The following TAFA5 variants were observed in gnomAD, a reference collection of about 807,000 sequenced individuals.
TAFA5 encodes the protein chemokine-like protein TAFA-5.
TAFA5 carries 6 observed loss-of-function variants against 15.3 expected under a neutral mutation model. That is an observed-to-expected ratio of 0.39 (90% CI 0.21 to 0.77). TAFA5 has a LOEUF of 0.77. Ranked by LOEUF, TAFA5 falls within the 30% of genes least tolerant of loss-of-function variation. TAFA5 has a pLI of 0.41. For missense variants in TAFA5, 161 were observed against 193.1 expected (o/e 0.83, Z 0.98); for synonymous variants, 103 against 80.7 (o/e 1.28, Z -1.48).
At chr22:48,631,557 T>C (rs1000173357) in intron 1 of TAFA5, among the ~76,000 whole-genome samples, 1 of 152,232 alleles carries the variant, frequency 6.6e-6, no homozygotes, top group Non-Finnish European at 1.5e-5. Flanking sequence ...AGGGAGCTCT[T>C]GGACCAGAGC....
chr22:48,639,534 C>T (rs1926597689), intron 1 of TAFA5, among the ~76,000 whole-genome samples: 1 of 152,204 alleles, frequency 6.6e-6, no homozygotes, highest in African/African-American at 2.4e-5. Flanking sequence ...CTCCAGACAC[C>T]CTGAGGGCCT....
chr22:48,612,291 C>T (rs972199148), intron 1 of TAFA5, among the ~76,000 whole-genome samples: 1 of 152,236 alleles, frequency 6.6e-6, no homozygotes, highest in African/African-American at 2.4e-5. Context: ...CAGGGCGGCT[C>T]ACTTGCATGT....
intron 2 of TAFA5, among the ~76,000 whole-genome samples, chr22:48,665,303 C>T (rs1483102804): frequency 6.6e-6 from 1 of 152,150 alleles, no homozygotes; most frequent in Non-Finnish European, 1.5e-5. Flanking sequence ...TTCCTATATG[C>T]TCCATTCAAG....
intron 2 of TAFA5, among the ~76,000 whole-genome samples, chr22:48,671,459 C>T (rs138375963): frequency 2.3e-4 from 35 of 152,326 alleles, no homozygotes; most frequent in South Asian, 4.1e-4. Context: ...ACGTTCCACT[C>T]TCTGTGGAAA....
chr22:48,739,889 T>C (rs1930131500), intron 3 of TAFA5, among the ~76,000 whole-genome samples: 1 of 152,120 alleles, frequency 6.6e-6, no homozygotes, highest in Non-Finnish European at 1.5e-5. Flanking sequence ...GATTACTCCA[T>C]GGTCTATGGC....
intron 1 of TAFA5, among the ~76,000 whole-genome samples, chr22:48,527,426 G>A (rs1296317521): frequency 1.3e-5 from 2 of 152,254 alleles, no homozygotes; most frequent in Non-Finnish European, 2.9e-5. Context: ...GGCAGCAGGG[G>A]TGAGGGGCAA....
chr22:48,579,794 C>T (rs534481523), intron 1 of TAFA5, among the ~76,000 whole-genome samples: 1 of 152,316 alleles, frequency 6.6e-6, no homozygotes, highest in East Asian at 1.9e-4. Context: ...ATGCGGCAAG[C>T]CTGGGCCACC....
chr22:48,545,470 T>C lies in TAFA5; in HGVS notation c.112+55766T>C, dbSNP rs751630904. The C allele has an allele frequency of 4.9e-4, 79 of 161,120 alleles. No individual in the cohort carries two copies. The Middle Eastern group carries it at 0.013, about 26-fold the overall frequency. The allele number at this position is 161,120 out of a possible 1,614,324, so 10.0% of individuals were successfully genotyped here. ...AGCGCAGCACACAGTAGGTGCTTAA[T>C]GAATGTTTCTGGGTTATGCAGTGAT... On this transcript the variant is annotated intron_variant, in intron 1 of 3. Transcript: ENST00000402357.
chr22:48,607,139 C>T (rs1190920371), intron 1 of TAFA5, among the ~76,000 whole-genome samples: 2 of 152,256 alleles, frequency 1.3e-5, no homozygotes, highest in Non-Finnish European at 2.9e-5. Flanking sequence ...GGAGGCAGTG[C>T]ATGGATCTGG....
intron 1 of TAFA5, among the ~76,000 whole-genome samples, chr22:48,623,240 CGT>C (rs1925905122): frequency 6.8e-6 from 1 of 146,790 alleles, no homozygotes. Flanking sequence ...TGGGACGGGA[CGT>C]GCCGCGTGGC....
intron 3 of TAFA5, among the ~76,000 whole-genome samples, chr22:48,714,647 G>A (rs916323574): frequency 1.3e-5 from 2 of 152,228 alleles, no homozygotes; most frequent in African/African-American, 2.4e-5. Context: ...ACGTTCTGAG[G>A]TGAGTCCCCA....
chr22:48,536,310 A>C (rs895583720), intron 1 of TAFA5, among the ~76,000 whole-genome samples: 4 of 152,220 alleles, frequency 2.6e-5, no homozygotes, highest in African/African-American at 9.6e-5. Flanking sequence ...TGTCTATCAG[A>C]GGGCTTTCCT....
chr22:48,720,445 T>TG (rs970070508), intron 3 of TAFA5, among the ~76,000 whole-genome samples: 1 of 152,044 alleles, frequency 6.6e-6, no homozygotes, highest in African/African-American at 2.4e-5. Context: ...TGGGCCTGCT[T>TG]GGTTGGCCTC....
At chr22:48,684,673 C>T (rs1928299035) in intron 2 of TAFA5, among the ~76,000 whole-genome samples, 1 of 152,230 alleles carries the variant, frequency 6.6e-6, no homozygotes, top group Non-Finnish European at 1.5e-5. Flanking sequence ...AGGTTGTCAG[C>T]TGGGACAGGC....
At chr22:48,607,844 T>A (rs1329716372) in intron 1 of TAFA5, among the ~76,000 whole-genome samples, 1 of 152,150 alleles carries the variant, frequency 6.6e-6, no homozygotes, top group Non-Finnish European at 1.5e-5. Context: ...CTTTCCATTT[T>A]TTGCTTGGTC....
chr22:48,539,355 C>A (rs1257501522), intron 1 of TAFA5: 1 of 471,070 alleles, frequency 2.1e-6, no homozygotes, highest in African/African-American at 2.0e-5. Flanking sequence ...GACATGGGCT[C>A]CTCCAGGCTG....
chr22:48,599,323 C>T (rs1390419951), intron 1 of TAFA5, among the ~76,000 whole-genome samples: 3 of 152,230 alleles, frequency 2.0e-5, no homozygotes, highest in Non-Finnish European at 4.4e-5. Flanking sequence ...CCGTAACACG[C>T]AGAAGACACT....
chr22:48,590,931 A>T (rs1026501979), intron 1 of TAFA5, among the ~76,000 whole-genome samples: 5 of 151,486 alleles, frequency 3.3e-5, no homozygotes, highest in Non-Finnish European at 5.9e-5. Flanking sequence ...GGCTCACTGC[A>T]ACCTCCGCCT....
At chr22:48,567,871 C>G (rs1021809612) in intron 1 of TAFA5, among the ~76,000 whole-genome samples, 2 of 152,112 alleles carry the variant, frequency 1.3e-5, no homozygotes, top group Non-Finnish European at 2.9e-5. Flanking sequence ...GAGGCTCAGC[C>G]CATGCAAGGT....
Sources: gnomAD v4.1 joint callset for allele counts (sites outside exome capture counted in the v4.1 genomes callset) on GRCh38, gnomAD v4.1.1 for gene constraint, MANE v1.5 for transcripts, NCBI Gene and HGNC (gene_info 2026-07-23, HGNC 2026-07-21) for gene names.